The following MAF variants were observed in gnomAD, a reference collection of about 807,000 sequenced individuals.
The protein encoded by MAF is MAF bZIP transcription factor, also known as transcription factor Maf.
A neutral mutation model predicts 22.0 loss-of-function variants in MAF; 10 were observed. The ratio of observed to expected loss-of-function variants is 0.45; its 90% CI spans 0.28 to 0.77. MAF has a LOEUF of 0.77. Among genes scored for constraint, MAF ranks in the 30% least tolerant of loss-of-function variants. The pLI, the probability that MAF is intolerant of heterozygous loss-of-function variation, is 0.12. For missense variants in MAF, 544 were observed against 548.4 expected (o/e 0.99, Z 0.08); for synonymous variants, 337 against 255.8 (o/e 1.32, Z -3.03).
chr16:79,295,840 T>C, the MAF span, among the ~76,000 whole-genome samples: 1 of 152,236 alleles, frequency 6.6e-6, no homozygotes, highest in South Asian at 2.1e-4. Context: ...CTGTTGGCAG[T>C]CCCGTTTCAC....
chr16:79,560,407 AC>A, the MAF span, among the ~76,000 whole-genome samples: 1 of 150,694 alleles, frequency 6.6e-6, no homozygotes, highest in African/African-American at 2.4e-5. Flanking sequence ...ATACGAACGA[AC>A]AAAAAGCAAG....
the MAF span, among the ~76,000 whole-genome samples, chr16:79,214,989 T>G: frequency 6.6e-6 from 1 of 151,990 alleles, no homozygotes; most frequent in African/African-American, 2.4e-5. Context: ...GGATTACAGG[T>G]GTGAGCTACC....
chr16:79,224,422 T>G, the MAF span, among the ~76,000 whole-genome samples: 2 of 152,322 alleles, frequency 1.3e-5, no homozygotes, highest in South Asian at 4.1e-4. Flanking sequence ...GGGCAAAAAC[T>G]GGAAGCATGC....
At chr16:79,548,031 A>C in the MAF span, among the ~76,000 whole-genome samples, 3 of 152,222 alleles carry the variant, frequency 2.0e-5, no homozygotes, top group South Asian at 4.2e-4. Flanking sequence ...CACACAAAAA[A>C]CTGAGATCTG....
the MAF span, among the ~76,000 whole-genome samples, chr16:79,563,626 G>A: frequency 1.3e-5 from 2 of 151,818 alleles, no homozygotes; most frequent in African/African-American, 4.8e-5. Context: ...CATTTTAGCT[G>A]TTTCTCTTTA....
the MAF span, among the ~76,000 whole-genome samples, chr16:79,275,954 A>C: frequency 6.6e-6 from 1 of 152,182 alleles, no homozygotes; most frequent in Non-Finnish European, 1.5e-5. Flanking sequence ...GTCCTGGCTA[A>C]CACGGTGAAA....
chr16:79,352,274 A>G, the MAF span, among the ~76,000 whole-genome samples: 8 of 152,284 alleles, frequency 5.3e-5, no homozygotes, highest in South Asian at 1.7e-3. Flanking sequence ...TGTTTCTGTC[A>G]ATGCAAGACT....
the MAF span, among the ~76,000 whole-genome samples, chr16:79,345,231 A>G: frequency 1.3e-5 from 2 of 152,122 alleles, no homozygotes; most frequent in Non-Finnish European, 2.9e-5. Context: ...TTATAATATA[A>G]TGTGCTTCCT....
chr16:79,453,686 G>A, the MAF span, among the ~76,000 whole-genome samples: 3 of 152,092 alleles, frequency 2.0e-5, no homozygotes, highest in Non-Finnish European at 2.9e-5. Context: ...TGGATAGGTC[G>A]GTCACAAGTG....
At chr16:79,494,719 G>C in the MAF span, among the ~76,000 whole-genome samples, 1 of 152,106 alleles carries the variant, frequency 6.6e-6, no homozygotes, top group Non-Finnish European at 1.5e-5. Flanking sequence ...CACTGACTGA[G>C]TGTCCCGGTA....
At chr16:79,479,643 C>T in the MAF span, among the ~76,000 whole-genome samples, 8 of 152,182 alleles carry the variant, frequency 5.3e-5, no homozygotes, top group South Asian at 2.1e-4. Context: ...GCCAGTTATG[C>T]GGATCACAGT....
the MAF span, among the ~76,000 whole-genome samples, chr16:79,297,770 T>C: frequency 2.0e-5 from 3 of 152,296 alleles, no homozygotes; most frequent in African/African-American, 7.2e-5. Flanking sequence ...CTGCGTGCCA[T>C]TGGCTTCTCT....
the MAF span, among the ~76,000 whole-genome samples, chr16:79,272,685 T>C: frequency 2.6e-4 from 39 of 152,320 alleles, no homozygotes; most frequent in African/African-American, 7.9e-4. Context: ...GTTAAAGCCA[T>C]TCATTCATTC....
At chr16:79,479,313 G>A in the MAF span, among the ~76,000 whole-genome samples, 1 of 152,220 alleles carries the variant, frequency 6.6e-6, no homozygotes, top group African/African-American at 2.4e-5. Context: ...TATGTTCCAT[G>A]ACAATGTAGC....
At chr16:79,371,056 G>A in the MAF span, among the ~76,000 whole-genome samples, 1 of 152,156 alleles carries the variant, frequency 6.6e-6, no homozygotes, top group African/African-American at 2.4e-5. Context: ...GCTTCACTCA[G>A]CATTGACTGA....
the MAF span, among the ~76,000 whole-genome samples, chr16:79,491,411 CA>C: frequency 6.5e-4 from 99 of 152,302 alleles, no homozygotes; most frequent in East Asian, 0.018. Flanking sequence ...TTGCATTCTT[CA>C]TGCAGGTTCT....
At chr16:79,294,445 G>A in the MAF span, among the ~76,000 whole-genome samples, 4 of 152,256 alleles carry the variant, frequency 2.6e-5, no homozygotes, top group African/African-American at 4.8e-5. Flanking sequence ...GCTACCTTGG[G>A]TCAGTCACTG....
chr16:79,210,208 G>C, the MAF span, among the ~76,000 whole-genome samples: 3 of 152,284 alleles, frequency 2.0e-5, no homozygotes, highest in South Asian at 4.1e-4. Context: ...ATTGTTACTA[G>C]ATATCCTGAC....
the MAF span, among the ~76,000 whole-genome samples, chr16:79,484,027 A>G: frequency 6.6e-6 from 1 of 152,164 alleles, no homozygotes; most frequent in Admixed American, 6.5e-5. Context: ...GGATCAGGCT[A>G]GTGATAGCAA....
Sources: gnomAD v4.1 joint callset for allele counts (sites outside exome capture counted in the v4.1 genomes callset) on GRCh38, gnomAD v4.1.1 for gene constraint, MANE v1.5 for transcripts, NCBI Gene and HGNC (gene_info 2026-07-23, HGNC 2026-07-21) for gene names.